The following SNX24 variants were observed in gnomAD, a reference collection of about 807,000 sequenced individuals.
SNX24 encodes sorting nexin 24, also known as sorting nexin-24.
A neutral mutation model predicts 28.7 loss-of-function variants in SNX24; 22 were observed. That is an observed-to-expected ratio of 0.77 (90% CI 0.55 to 1.10). The LOEUF is 1.10. Ranked by LOEUF, SNX24 falls within the 50% of genes least tolerant of loss-of-function variation. The pLI, the probability that SNX24 is intolerant of heterozygous loss-of-function variation, is 0.00. For synonymous variants in SNX24, 69 were observed against 71.5 expected, an observed-to-expected ratio of 0.96 and a Z score of 0.18; for missense variants, 221 against 201.1, an observed-to-expected ratio of 1.10 and a Z score of -0.60.
At chr5:122,912,742 T>G (rs1383852964) in intron 1 of SNX24, among the ~76,000 whole-genome samples, 5 of 151,926 alleles carry the variant, frequency 3.3e-5, no homozygotes, top group African/African-American at 4.8e-5. Flanking sequence ...GGGTTTTTTT[T>G]TTTTTTTTTA....
Position 123,024,079 on chromosome 5 carries a change from A to G in SNX24, n.384-5159A>G, listed in dbSNP as rs1762813904. The G allele has an allele frequency of 6.6e-6, 10 of 1,509,554 alleles. No homozygotes were observed. In the South Asian group the frequency reaches 1.3e-4, roughly 20 times the overall value. The allele number at this position is 1,509,554 out of a possible 1,614,324, so 93.5% of individuals were successfully genotyped here. On this transcript the variant is annotated intron_variant and non_coding_transcript_variant, in intron 5 of 5. Coordinates refer to the SNX24 transcript ENST00000502387. Reference sequence around the variant, plus strand: ...CAATCCAAAGGTTAAACCAAAGCCAACTCCAAAAGCCCAAGTGGGAAGGAA... The same window carrying G: ...CAATCCAAAGGTTAAACCAAAGCCAGCTCCAAAAGCCCAAGTGGGAAGGAA...
At chr5:122,891,684 T>C (rs1315253834) in intron 1 of SNX24, among the ~76,000 whole-genome samples, 1 of 152,238 alleles carries the variant, frequency 6.6e-6, no homozygotes, top group East Asian at 1.9e-4. Context: ...TCCAGATTTA[T>C]TAAAAATTAC....
chr5:122,972,805 C>T (rs911180190), intron 3 of SNX24, among the ~76,000 whole-genome samples: 8 of 152,174 alleles, frequency 5.3e-5, no homozygotes, highest in African/African-American at 1.4e-4. Flanking sequence ...AATCAACCTG[C>T]CACCAAGTAG....
At position 122,910,348 on chromosome 5, in the gene SNX24, C is replaced by A. The variant is rs1474301266; in HGVS notation, c.61-26386C>A. Among the ~76,000 whole-genome samples, 4 of 152,090 alleles carry A rather than the reference C, an allele frequency of 2.6e-5. No homozygotes were observed. The South Asian group carries it at 6.2e-4, about 24-fold the overall frequency. ...TGTTTTCATTTTTACTTTTGAAATT[C>A]TTTTCCTCTTCATTTCAGGACCAAT... On this transcript the variant is annotated intron_variant, in intron 1 of 6. Coordinates refer to ENST00000261369, the MANE Select transcript of SNX24 (RefSeq NM_014035.4).
At chr5:122,876,034 G>A (rs1756206439) in intron 1 of SNX24, among the ~76,000 whole-genome samples, 1 of 152,188 alleles carries the variant, frequency 6.6e-6, no homozygotes, top group Non-Finnish European at 1.5e-5. Flanking sequence ...TAGTAGAGAC[G>A]GGGTTTTGCC....
chr5:123,007,807 C>G lies in SNX24; in HGVS notation c.*58C>G. On this transcript the variant is annotated 3_prime_UTR_variant, in exon 7 of 7. Transcript: ENST00000261369. ...GTTTCGAAGTCACAGTCAAGGAAAT[C>G]AATACCTACCAATTTAACCTAAACG... 3 of 1,574,646 alleles carry G rather than the reference C, an allele frequency of 1.9e-6. No homozygotes were observed. Among genetic ancestry groups the G allele is most frequent in the Non-Finnish European group, 2.6e-6 (3 of 1,168,732 alleles).
At chr5:122,884,637 T>G (rs1756628778) in intron 1 of SNX24, among the ~76,000 whole-genome samples, 1 of 152,210 alleles carries the variant, frequency 6.6e-6, no homozygotes, top group South Asian at 2.1e-4. Context: ...TTGACTCACC[T>G]TAAACTTTAA....
chr5:122,954,195 C>CTA (rs1275760091), intron 3 of SNX24, among the ~76,000 whole-genome samples: 34 of 146,980 alleles, frequency 2.3e-4, no homozygotes, highest in African/African-American at 7.6e-4. Context: ...CTTTCTCTCT[C>CTA]TCTATATATA....
chr5:122,852,648 T>G (rs1754977777), intron 1 of SNX24, among the ~76,000 whole-genome samples: 1 of 152,120 alleles, frequency 6.6e-6, no homozygotes, highest in South Asian at 2.1e-4. Flanking sequence ...CAGCCGCATT[T>G]AATAGTAAGG....
intron 3 of SNX24, among the ~76,000 whole-genome samples, chr5:122,961,460 T>A (rs1760485444): frequency 6.6e-6 from 1 of 152,214 alleles, no homozygotes; most frequent in Non-Finnish European, 1.5e-5. Flanking sequence ...GCTTATAACA[T>A]GAGACAAACT....
chr5:122,862,971 C>G (rs1755543369), intron 1 of SNX24, among the ~76,000 whole-genome samples: 1 of 152,156 alleles, frequency 6.6e-6, no homozygotes, highest in African/African-American at 2.4e-5. Flanking sequence ...GAAAACAAGT[C>G]ATCTACTTAT....
At chr5:122,899,272 G>T (rs1299513534) in intron 1 of SNX24, among the ~76,000 whole-genome samples, 3 of 152,096 alleles carry the variant, frequency 2.0e-5, no homozygotes, top group Non-Finnish European at 2.9e-5. Flanking sequence ...CTAAGGGGAG[G>T]GTTGGCATAG....
intron 6 of SNX24, among the ~76,000 whole-genome samples, chr5:123,007,376 T>G (rs1762453465): frequency 6.6e-6 from 1 of 152,258 alleles, no homozygotes; most frequent in African/African-American, 2.4e-5. Context: ...TCCATCTTCC[T>G]TTTGAGAAAA....
At chr5:122,855,389 C>A (rs996200843) in intron 1 of SNX24, among the ~76,000 whole-genome samples, 8 of 152,148 alleles carry the variant, frequency 5.3e-5, no homozygotes. Flanking sequence ...TTTCCTAAGA[C>A]AATTAAGTTT....
At chr5:122,925,582 G>A (rs1235177408) in intron 1 of SNX24, among the ~76,000 whole-genome samples, 1 of 151,948 alleles carries the variant, frequency 6.6e-6, no homozygotes, top group Non-Finnish European at 1.5e-5. Flanking sequence ...TATTTTCATA[G>A]CTTTTGGGCC....
intron 3 of SNX24, among the ~76,000 whole-genome samples, chr5:122,953,089 C>G (rs986350633): frequency 6.6e-6 from 1 of 151,188 alleles, no homozygotes; most frequent in African/African-American, 2.4e-5. Flanking sequence ...TTTTTTCCTT[C>G]CCTTTCCTTT....
intron 1 of SNX24, among the ~76,000 whole-genome samples, chr5:122,916,010 G>T (rs2150096174): frequency 6.6e-6 from 1 of 152,338 alleles, no homozygotes; most frequent in East Asian, 1.9e-4. Flanking sequence ...TCATAGCATG[G>T]CGAAGATGAT....
At chr5:122,913,837 C>T (rs575948205) in intron 1 of SNX24, among the ~76,000 whole-genome samples, 10 of 152,310 alleles carry the variant, frequency 6.6e-5, no homozygotes, top group Non-Finnish European at 1.0e-4. Context: ...ACTGAGTGAA[C>T]GAGACTCCGT....
At chr5:122,983,909 T>C (rs529249214) in intron 3 of SNX24, among the ~76,000 whole-genome samples, 1 of 152,324 alleles carries the variant, frequency 6.6e-6, no homozygotes, top group Admixed American at 6.5e-5. Flanking sequence ...TACTTTTAGG[T>C]TTGCTAAATA....
Sources: allele counts gnomAD v4.1 joint callset (sites outside exome capture counted in the v4.1 genomes callset), GRCh38; gene constraint gnomAD v4.1.1; transcripts MANE v1.5; gene names NCBI Gene and HGNC (gene_info 2026-07-23, HGNC 2026-07-21).